CC2D2A: variants seen among roughly 807,000 people sequenced by gnomAD.
CC2D2A encodes the protein coiled-coil and C2 domain-containing protein 2A.
A neutral mutation model predicts 212.9 loss-of-function variants in CC2D2A; 155 were observed. The observed-to-expected ratio is 0.73, with a 90% CI of 0.64 to 0.83. CC2D2A has a LOEUF of 0.83. Ranked by LOEUF, CC2D2A falls within the 40% of genes least tolerant of loss-of-function variation. The probability of loss-of-function intolerance (pLI) is 0.00; values close to 1 mark genes in which losing one functional copy is unlikely to be tolerated. For synonymous variants in CC2D2A, 667 were observed against 686.5 expected (o/e 0.97, Z 0.44); for missense variants, 1,856 against 1,956.2 (o/e 0.95, Z 0.97).
chr4:15,580,044 A>G lies in CC2D2A; in HGVS notation c.3848A>G (p.Asn1283Ser). The G allele has an allele frequency of 6.2e-7, 1 of 1,613,976 alleles. No homozygotes were observed. The highest frequency in any genetic ancestry group is 8.5e-7 in the Non-Finnish European group (1 of 1,179,872). The change falls in exon 30 of 37, where the codon AAT becomes AGT. Residue 1283 changes from asparagine (N) to serine (S), a missense_variant. By Grantham distance (46) the Asn-to-Ser change is conservative. Transcript: ENST00000424120. ...FQAECALKFP[N>S]RQCLTTVIDI... ...GCTGAATGTGCCTTAAAGTTTCCAA[A>G]TCGTCAGTGCCTTACAACAGTAATT...
At chr4:15,570,524 A>AGAGCAG (rs1180913322) in intron 28 of CC2D2A, 28 bp downstream of exon 28, 1 of 1,445,068 alleles carries the variant, frequency 6.9e-7, no homozygotes, top group Non-Finnish European at 9.6e-7. Flanking sequence ...GAGGTCCATG[A>AGAGCAG]GAGCAGGGAA....
chr4:15,563,255 G>A (rs1719703749), intron 23 of CC2D2A, 100 bp from the exon 24 acceptor site: 5 of 1,150,190 alleles, frequency 4.3e-6, no homozygotes, highest in Non-Finnish European at 6.0e-6. Context: ...AGTTTTTCAG[G>A]GGCGTGTGCA....
At chr4:15,599,752 C>T (rs1211434735) in intron 36 of CC2D2A, 46 bp downstream of exon 36, 1 of 1,433,898 alleles carries the variant, frequency 7.0e-7, no homozygotes, top group East Asian at 2.4e-5. Context: ...TTCCTTGTTT[C>T]AAATTGGAAA....
At chr4:15,592,555 T>TC (rs1165744009) in intron 33 of CC2D2A, among the ~76,000 whole-genome samples, 1 of 152,132 alleles carries the variant, frequency 6.6e-6, no homozygotes, top group Non-Finnish European at 1.5e-5. Flanking sequence ...AAAAACACTT[T>TC]CCCCCTCCGT....
At chr4:15,580,397 G>A (rs1036230690) in intron 30 of CC2D2A, among the ~76,000 whole-genome samples, 3 of 152,178 alleles carry the variant, frequency 2.0e-5, no homozygotes, top group Admixed American at 6.5e-5. Context: ...CAGCACTTTG[G>A]GAGGCCAAGG....
At chr4:15,575,585 C>CT (rs909799518) in intron 29 of CC2D2A, among the ~76,000 whole-genome samples, 1 of 152,148 alleles carries the variant, frequency 6.6e-6, no homozygotes, top group Non-Finnish European at 1.5e-5. Context: ...AAACATACTC[C>CT]TTTTTTTCCA....
chr4:15,559,778 T>C (rs1719478334), intron 22 of CC2D2A, among the ~76,000 whole-genome samples: 1 of 152,118 alleles, frequency 6.6e-6, no homozygotes, highest in South Asian at 2.1e-4. Flanking sequence ...TCATGTATTA[T>C]TTTTTAAAAT....
chr4:15,579,869 C>A, intron 29 of CC2D2A, 99 bp from the exon 30 acceptor site: 1 of 939,962 alleles, frequency 1.1e-6, no homozygotes. Flanking sequence ...CAGTCATATT[C>A]CCAAACCATA....
chr4:15,578,112 A>G (rs899363420), intron 29 of CC2D2A, among the ~76,000 whole-genome samples: 1 of 152,194 alleles, frequency 6.6e-6, no homozygotes, highest in African/African-American at 2.4e-5. Context: ...CCTACACCAA[A>G]GCTGTATGAG....
Position 15,543,294 on chromosome 4 carries a change from C to T in CC2D2A, c.2181+2280C>T, listed in dbSNP as rs560630235. On this transcript the variant is annotated intron_variant, in intron 17 of 36. Transcript: ENST00000424120. The stretch of plus-strand genomic sequence containing the variant: ...ACTCATATAACTCTTTAAAGTGCCA[C>T]GTAATTTTTTTAAATGTCTGTGTAT... Among the ~76,000 whole-genome samples, 10 of 151,924 alleles carry T rather than the reference C, an allele frequency of 6.6e-5. No individual in the cohort carries two copies. The East Asian group carries it at 1.2e-3, about 18-fold the overall frequency.
At chr4:15,485,993 G>A (rs1714978742) in intron 4 of CC2D2A, among the ~76,000 whole-genome samples, 1 of 151,950 alleles carries the variant, frequency 6.6e-6, no homozygotes, top group South Asian at 2.1e-4. Context: ...AACTATCCTT[G>A]CATCCCTGAG....
chr4:15,540,919 A>C lies in CC2D2A; in HGVS notation c.2086A>C (p.Thr696Pro). 1 of 1,580,098 alleles carries C rather than the reference A, an allele frequency of 6.3e-7. No homozygotes were observed. The highest frequency in any genetic ancestry group is 1.8e-5 in the Admixed American group (1 of 54,826). Residue 696 changes from threonine to proline, a missense_variant, in exon 17 of 37, where the codon ACA becomes CCA. Physicochemically the swap from Thr to Pro is conservative, Grantham distance 38. Coordinates refer to ENST00000424120, the MANE Select transcript of CC2D2A (RefSeq NM_001378615.1). ...VLFNNKEVSR[T>P]VSRPLGADFR... ...GTTCAACAACAAGGAGGTGTCCAGGACAGTCAGTCGGCCACTAGGAGCAGA... is the reference window on the plus strand; with the variant it reads ...GTTCAACAACAAGGAGGTGTCCAGGCCAGTCAGTCGGCCACTAGGAGCAGA...
At chr4:15,526,414 C>A (rs935563222) in intron 11 of CC2D2A, among the ~76,000 whole-genome samples, 2 of 152,112 alleles carry the variant, frequency 1.3e-5, no homozygotes, top group African/African-American at 2.4e-5. Context: ...AGTCTCCTAG[C>A]CCAGATCTAG....
At position 15,538,131 on chromosome 4, in the gene CC2D2A, G is replaced by A. The variant is rs1718235496; in HGVS notation, c.1997G>A (p.Cys666Tyr). The part of the protein sequence containing the change: ...LAGSVTPNDQ[C>Y]PRAEVSRRED... ...GGAAGCGTAACACCCAATGACCAGTGCCCCAGGTGAGTGGATGCTCCGACC... is the reference window on the plus strand; with the variant it reads ...GGAAGCGTAACACCCAATGACCAGTACCCCAGGTGAGTGGATGCTCCGACC... The change falls in exon 16 of 37, where the codon TGC becomes TAC. Residue 666 changes from cysteine (C) to tyrosine (Y), a missense_variant. By Grantham distance (194) the Cys-to-Tyr change is radical (BLOSUM62 -2). Coordinates refer to ENST00000424120, the MANE Select transcript of CC2D2A (RefSeq NM_001378615.1). 6.4e-7 allele frequency: 1 copy of A among 1,564,824 alleles called. No individual in the cohort carries two copies. The highest frequency in any genetic ancestry group is 1.4e-5 in the African/African-American group (1 of 73,710).
intron 6 of CC2D2A, 125 bp from the exon 7 acceptor site, chr4:15,510,014 G>A: frequency 1.4e-6 from 1 of 719,652 alleles, no homozygotes; most frequent in Non-Finnish European, 2.4e-6. Flanking sequence ...CATGCCTTAG[G>A]AATGATAAGA....
In CC2D2A at chr4:15,567,695, G is replaced by A. The variant is rs369547644; in HGVS notation, c.3307G>A (p.Val1103Ile). 1 of 1,603,506 alleles carries A rather than the reference G, an allele frequency of 6.2e-7. No homozygotes were observed. Among genetic ancestry groups the A allele is most frequent in the African/African-American group, 1.3e-5 (1 of 74,288 alleles). Residue 1103 changes from valine to isoleucine, a missense_variant, in exon 26 of 37, where the codon GTA (valine) becomes ATA (isoleucine). Val to Ile is a conservative substitution (Grantham distance 29). Coordinates refer to ENST00000424120, the MANE Select transcript of CC2D2A (RefSeq NM_001378615.1). ...PLGQVLVRPF[V>I]EVSFQRTVCH... is the part of the protein sequence containing the mutation. ...TTTTAAGGTTTTAGTACGTCCCTTT[G>A]TAGAAGTCTCTTTTCAACGAACAGT...
chr4:15,574,307 G>C lies in CC2D2A; in HGVS notation c.3752G>C (p.Gly1251Ala), dbSNP rs1336122508. The part of the protein sequence containing the change: ...FITIEPQLVP[G>A]ESIREKFESQ... Reference sequence around the variant, plus strand: ...ACCATTGAGCCCCAGCTGGTTCCTGGAGAGTCCATTCGAGAAAAGGTAACT... The same window carrying C: ...ACCATTGAGCCCCAGCTGGTTCCTGCAGAGTCCATTCGAGAAAAGGTAACT... Residue 1251 changes from glycine to alanine, a missense_variant, in exon 29 of 37, where the codon GGA (glycine) becomes GCA (alanine). Gly to Ala is a moderately conservative substitution (Grantham distance 60). Around this residue, in one of 5 missense-constraint regions of CC2D2A, gnomAD observed 1,512 missense variants for 1,579.3 expected, o/e 0.96. Coordinates refer to ENST00000424120, the MANE Select transcript of CC2D2A (RefSeq NM_001378615.1). 8 of 1,549,694 alleles carry C rather than the reference G, an allele frequency of 5.2e-6. No homozygotes were observed. The South Asian group carries it at 7.2e-5, about 14-fold the overall frequency.
chr4:15,579,421 T>A (rs1231414250), intron 29 of CC2D2A, among the ~76,000 whole-genome samples: 1 of 152,240 alleles, frequency 6.6e-6, no homozygotes, highest in Non-Finnish European at 1.5e-5. Flanking sequence ...ATACATTTGA[T>A]GTTTCTAGTT....
chr4:15,500,103 GTGTGTA>G (rs1182084311), intron 4 of CC2D2A, among the ~76,000 whole-genome samples: 57 of 73,162 alleles, frequency 7.8e-4, no homozygotes, highest in East Asian at 5.2e-3. Flanking sequence ...GTGTGTGTGT[GTGTGTA>G]TATATATATA....
Sources: gnomAD v4.1 joint callset for allele counts (sites outside exome capture counted in the v4.1 genomes callset) on GRCh38, gnomAD v4.1.1 for gene constraint, gnomAD v4.1.1 regional missense constraint, MANE v1.5 for transcripts, NCBI Gene and HGNC (gene_info 2026-07-23, HGNC 2026-07-21) for gene names.